The following NALCN variants were observed in gnomAD, a reference collection of about 807,000 sequenced individuals.
The protein encoded by NALCN is sodium leak channel NALCN.
Under a neutral mutation model 225.3 loss-of-function variants are expected in NALCN, and 111 were observed. That is an observed-to-expected ratio of 0.49 (90% CI 0.42 to 0.58). The LOEUF (loss-of-function observed/expected upper bound fraction) is 0.58. NALCN is among the 20% of genes least tolerant of loss of function. The pLI is 0.00. For synonymous variants in NALCN, 764 were observed against 769.0 expected, an observed-to-expected ratio of 0.99 and a Z score of 0.11; for missense variants, 1,378 against 2,202.4, an observed-to-expected ratio of 0.63 and a Z score of 7.49.
Position 101,254,909 on chromosome 13 carries a change from A to AT in NALCN, c.1266+3533_1266+3534insA, listed in dbSNP as rs1458422073. ...CTGTCTCAAAAAAAAAAAAAAAAAA[A>AT]AAAAGAATGAATGACATGTTAAAAG... On this transcript the variant is annotated intron_variant, in intron 11 of 43. Transcript: ENST00000251127. 4.2e-5 allele frequency among the ~76,000 whole-genome samples: 3 copies of AT among 72,242 alleles called. 1 individual carries two copies. Among genetic ancestry groups the AT allele is most frequent in the Admixed American group, 3.6e-4 (3 of 8,390 alleles). The allele number at this position is 72,242 out of a possible 152,430, so 47.4% of individuals were successfully genotyped here. A position where few individuals can be genotyped will look rare whatever the true frequency, so the allele number is the denominator to read the frequency against.
At chr13:101,311,926 G>A (rs1389861991) in intron 7 of NALCN, among the ~76,000 whole-genome samples, 1 of 152,112 alleles carries the variant, frequency 6.6e-6, no homozygotes, top group Non-Finnish European at 1.5e-5. Context: ...AATAGTTTCA[G>A]AAGGAATGGT....
At chr13:101,397,066 TTATATATATATATATA>T (rs368771604) in intron 2 of NALCN, among the ~76,000 whole-genome samples, 1,118 of 56,388 alleles carry the variant, frequency 0.02, 29 homozygotes, top group Middle Eastern at 0.071. Context: ...TATGAATGTA[TTATATATATATATATA>T]TATATATATA....
chr13:101,096,941 A>ACGT (rs1450181828), intron 27 of NALCN, among the ~76,000 whole-genome samples: 1 of 152,092 alleles, frequency 6.6e-6, no homozygotes, highest in Non-Finnish European at 1.5e-5. Context: ...AATCTGCTTC[A>ACGT]CGTCCTCTTT....
chr13:101,279,876 T>A (rs552001797), intron 10 of NALCN, among the ~76,000 whole-genome samples: 59 of 149,014 alleles, frequency 4.0e-4, no homozygotes, highest in Admixed American at 4.7e-4. Context: ...AATAAATAAA[T>A]AAAAAGAAGT....
intron 33 of NALCN, 67 bp downstream of exon 33, chr13:101,082,742 G>C: frequency 7.2e-6 from 11 of 1,517,936 alleles, no homozygotes; most frequent in Non-Finnish European, 1.0e-5. Flanking sequence ...TGGCATCAAA[G>C]AGGGAGGCTG....
At chr13:101,152,327 G>A (rs988005558) in intron 15 of NALCN, among the ~76,000 whole-genome samples, 6 of 152,264 alleles carry the variant, frequency 3.9e-5, no homozygotes, top group African/African-American at 9.6e-5. Flanking sequence ...CTCTGTTTTC[G>A]GAGGGGCGGA....
In NALCN at chr13:101,144,798, G is replaced by T. The variant is rs2037262919; in HGVS notation, c.1938C>A (p.Ile646=). Residue 646 remains isoleucine (I), a synonymous_variant, in exon 16 of 44, where the codon ATC becomes ATA. Coordinates refer to ENST00000251127, the MANE Select transcript of NALCN (RefSeq NM_052867.4). ...KFPNRPQMVK[I]SKLPSDFTVP... ...CTGTAAAATCTGAAGGAAGCTTTGA[G>T]ATTTTCACCATTTGAGGTCTGTTTG... 6.2e-7 allele frequency: 1 copy of T among 1,612,450 alleles called. No homozygotes were observed. The highest frequency in any genetic ancestry group is 8.5e-7 in the Non-Finnish European group (1 of 1,179,372).
At chr13:101,313,867 T>C (rs1478239025) in intron 7 of NALCN, among the ~76,000 whole-genome samples, 4 of 152,212 alleles carry the variant, frequency 2.6e-5, no homozygotes, top group South Asian at 2.1e-4. Flanking sequence ...CACATGTATG[T>C]TTATTGTGGC....
In NALCN at chr13:101,087,755, C is replaced by A. The variant is rs79421434; in HGVS notation, c.3489+1908G>T. On this transcript the variant is annotated intron_variant, in intron 30 of 43. Coordinates refer to ENST00000251127, the MANE Select transcript of NALCN (RefSeq NM_052867.4). ...TGCTAACCTCAGCCACTTCTCTAAG[C>A]TCAAGTGTTGCAATTAATTATACAT... Among the ~76,000 whole-genome samples, 1,454 of 152,252 alleles carry A rather than the reference C, an allele frequency of 9.5e-3. 7 individuals carry two copies. The highest frequency in any genetic ancestry group is 0.012 in the Non-Finnish European group (808 of 68,030).
intron 11 of NALCN, among the ~76,000 whole-genome samples, chr13:101,252,775 AG>A (rs2042099765): frequency 6.6e-6 from 1 of 152,194 alleles, no homozygotes; most frequent in Non-Finnish European, 1.5e-5. Context: ...CAGAGAACAT[AG>A]CTGGGGATAA....
upstream of NALCN, among the ~76,000 whole-genome samples, chr13:101,417,162 G>A (rs1275665562): frequency 6.6e-6 from 1 of 152,134 alleles, no homozygotes; most frequent in Non-Finnish European, 1.5e-5. Flanking sequence ...TCCCAGCAGA[G>A]CAGGTTTAGG....
chr13:101,315,591 C>G (rs2044525027), intron 7 of NALCN, among the ~76,000 whole-genome samples: 1 of 152,084 alleles, frequency 6.6e-6, no homozygotes, highest in Non-Finnish European at 1.5e-5. Flanking sequence ...CAGCAGAAAA[C>G]TTTCTTAGTA....
intron 34 of NALCN, among the ~76,000 whole-genome samples, chr13:101,078,793 A>T (rs191458551): frequency 6.6e-6 from 1 of 152,214 alleles, no homozygotes; most frequent in Non-Finnish European, 1.5e-5. Flanking sequence ...AAGACATGAG[A>T]TTTGGGAGGG....
At position 101,416,447 on chromosome 13, in the gene NALCN, C is replaced by T. The variant is rs1029207769; in HGVS notation, c.-174G>A. ...CGCGGGCCCCTCACCTACGGCGGCT[C>T]AGCTCAGGCAGCGCGCTCGGCCCGG... On this transcript the variant is annotated 5_prime_UTR_variant, in exon 1 of 44. Coordinates refer to ENST00000251127, the MANE Select transcript of NALCN (RefSeq NM_052867.4). 6 of 151,746 alleles carry T rather than the reference C, an allele frequency of 4.0e-5. No individual in the cohort carries two copies. The highest frequency in any genetic ancestry group is 1.4e-4 in the African/African-American group (6 of 41,392). 9.4% of individuals were successfully genotyped at this position (151,746 alleles called of 1,614,324 possible). A position where few individuals can be genotyped will look rare whatever the true frequency, so the allele number is the denominator to read the frequency against.
chr13:101,166,028 C>T (rs1489707574), intron 15 of NALCN, among the ~76,000 whole-genome samples: 1 of 152,178 alleles, frequency 6.6e-6, no homozygotes, highest in Non-Finnish European at 1.5e-5. Context: ...GCTTATTTCA[C>T]TTAGCATGAT....
At chr13:101,132,977 G>T (rs747627801) in intron 17 of NALCN, among the ~76,000 whole-genome samples, 1 of 152,100 alleles carries the variant, frequency 6.6e-6, no homozygotes, top group Non-Finnish European at 1.5e-5. Context: ...CACTGAAAGA[G>T]ATCAATACAT....
chr13:101,304,119 T>A (rs1402892711), intron 7 of NALCN, among the ~76,000 whole-genome samples: 1 of 152,218 alleles, frequency 6.6e-6, no homozygotes, highest in East Asian at 1.9e-4. Context: ...GCCAGGTGTT[T>A]GAGCTTCAAT....
chr13:101,122,183 A>AT (rs2036010918), intron 18 of NALCN, among the ~76,000 whole-genome samples: 2 of 152,250 alleles, frequency 1.3e-5, no homozygotes, highest in East Asian at 1.9e-4. Flanking sequence ...TATCAGTTTG[A>AT]TTTTTTGCAC....
At chr13:101,195,651 T>C (rs763393946) in intron 13 of NALCN, among the ~76,000 whole-genome samples, 27 of 152,244 alleles carry the variant, frequency 1.8e-4, no homozygotes, top group Non-Finnish European at 3.7e-4. Flanking sequence ...ATTTAGGATT[T>C]CTTGATTTAT....
Sources: gnomAD v4.1 joint callset for allele counts (sites outside exome capture counted in the v4.1 genomes callset) on GRCh38, gnomAD v4.1.1 for gene constraint, MANE v1.5 for transcripts, NCBI Gene and HGNC (gene_info 2026-07-23, HGNC 2026-07-21) for gene names.